The following WDR27 variants were observed in gnomAD, a reference collection of about 807,000 sequenced individuals.
The protein encoded by WDR27 is WD repeat domain 27.
WDR27 carries 100 observed loss-of-function variants against 114.4 expected under a neutral mutation model. The observed-to-expected ratio is 0.87, with a 90% CI of 0.74 to 1.03. The LOEUF is 1.03. Among genes scored for constraint, WDR27 ranks in the 50% least tolerant of loss-of-function variants. The probability of loss-of-function intolerance (pLI) is 0.00; values close to 1 mark genes in which losing one functional copy is unlikely to be tolerated. For missense variants in WDR27, 1,129 were observed against 1,092.9 expected, an observed-to-expected ratio of 1.03 and a Z score of -0.47; for synonymous variants, 449 against 423.1, an observed-to-expected ratio of 1.06 and a Z score of -0.75.
At chr6:169,640,920 G>C (rs781211462) in intron 17 of WDR27, among the ~76,000 whole-genome samples, 3 of 152,160 alleles carry the variant, frequency 2.0e-5, no homozygotes, top group African/African-American at 7.2e-5. Context: ...TGTTTTCTAC[G>C]TGAGGCCACA....
At chr6:169,458,012 T>C (rs1405141896) in intron 25 of WDR27, among the ~76,000 whole-genome samples, 1 of 64,344 alleles carries the variant, frequency 1.6e-5, no homozygotes, top group Non-Finnish European at 3.7e-5. Flanking sequence ...GAGGAGGTGG[T>C]GGTGGTGCCA....
chr6:169,538,784 C>G (rs1796498698), intron 25 of WDR27, among the ~76,000 whole-genome samples: 2 of 149,300 alleles, frequency 1.3e-5, no homozygotes, highest in Non-Finnish European at 3.0e-5. Context: ...AAACACTAAC[C>G]ATATGCAGTA....
rs541883427 is a variant in WDR27, at chr6:169,674,040, A to G, written c.190-1644T>C. Reference sequence around the variant, plus strand: ...ACTTAACACCTGACTGGCTTAGGGTAATCTAGGACTGCCAGTGCCCTGAGC... The same window carrying G: ...ACTTAACACCTGACTGGCTTAGGGTGATCTAGGACTGCCAGTGCCCTGAGC... On this transcript the variant is annotated intron_variant, in intron 2 of 25. Transcript: ENST00000448612. 2.6e-5 allele frequency among the ~76,000 whole-genome samples: 4 copies of G among 152,346 alleles called. No homozygotes were observed. In the East Asian group the frequency reaches 7.7e-4, roughly 29 times the overall value.
the WDR27 span, among the ~76,000 whole-genome samples, chr6:169,435,109 GC>G: frequency 6.6e-6 from 1 of 152,238 alleles, no homozygotes; most frequent in Non-Finnish European, 1.5e-5. Context: ...GAGGGTGCAA[GC>G]CCCAAGCCTT....
At chr6:169,589,960 C>CAACAAGTCCTGAGAGAAGAAGCAAGAAA (rs11275789) in intron 23 of WDR27, among the ~76,000 whole-genome samples, 142,645 of 152,046 alleles carry the variant, frequency 0.94, 66,995 homozygotes, top group East Asian at 0.99. Flanking sequence ...AGAACCAAAT[C>CAACAAGTCCTGAGAGAAGAAGCAAGAAA]AAGGGAAGCA....
rs146457794 is a variant in WDR27 at position 169,675,008 on chromosome 6, C to T, written c.190-2612G>A. 8.6e-3 allele frequency among the ~76,000 whole-genome samples: 1,316 copies of T among 152,228 alleles called. 18 individuals carry two copies. The highest frequency in any genetic ancestry group is 0.03 in the African/African-American group (1,264 of 41,524). ...CACAAGACAATGTCATCAGTTAAGGCGGGAACAGGCCATTTTCACTTCTTT... is the reference window on the plus strand; with the variant it reads ...CACAAGACAATGTCATCAGTTAAGGTGGGAACAGGCCATTTTCACTTCTTT... On this transcript the variant is annotated intron_variant, in intron 2 of 25. Coordinates refer to ENST00000448612, the MANE Select transcript of WDR27 (RefSeq NM_182552.5).
chr6:169,574,474 C>T (rs1190906456), intron 24 of WDR27, among the ~76,000 whole-genome samples: 1 of 152,082 alleles, frequency 6.6e-6, no homozygotes, highest in Admixed American at 6.5e-5. Flanking sequence ...AATCTGTCTC[C>T]CGCTTTTCAA....
At chr6:169,575,494 C>T (rs944597182) in intron 24 of WDR27, among the ~76,000 whole-genome samples, 6 of 152,120 alleles carry the variant, frequency 3.9e-5, no homozygotes, top group African/African-American at 1.4e-4. Context: ...TATCCTCCTA[C>T]TGGGAGGTTG....
At chr6:169,452,984 C>A (rs1484060564), downstream of WDR27, among the ~76,000 whole-genome samples, 1 of 152,210 alleles carries the variant, frequency 6.6e-6, no homozygotes, top group South Asian at 2.1e-4. Context: ...GCCTCCCTCC[C>A]CAGCCTCCCT....
intron 13 of WDR27, among the ~76,000 whole-genome samples, chr6:169,653,211 G>A (rs1237476368): frequency 6.6e-6 from 1 of 152,184 alleles, no homozygotes; most frequent in East Asian, 1.9e-4. Flanking sequence ...GAACAGTCTA[G>A]TATGATTCCA....
chr6:169,521,286 CT>C (rs1407818403), intron 25 of WDR27, among the ~76,000 whole-genome samples: 1 of 151,890 alleles, frequency 6.6e-6, no homozygotes, highest in Non-Finnish European at 1.5e-5. Flanking sequence ...AGAATATTGT[CT>C]CCATAAAGCT....
intron 24 of WDR27, among the ~76,000 whole-genome samples, chr6:169,577,178 C>T (rs979553961): frequency 1.3e-5 from 2 of 152,042 alleles, no homozygotes; most frequent in African/African-American, 4.8e-5. Context: ...CGCACCAACT[C>T]GCCGGCTCAG....
chr6:169,654,036 T>A (rs944532129), intron 13 of WDR27, among the ~76,000 whole-genome samples: 2 of 152,156 alleles, frequency 1.3e-5, no homozygotes, highest in African/African-American at 2.4e-5. Context: ...GAGAACACAG[T>A]GCACTTCATT....
At chr6:169,431,831 A>G in the WDR27 span, among the ~76,000 whole-genome samples, 1 of 152,244 alleles carries the variant, frequency 6.6e-6, no homozygotes, top group Non-Finnish European at 1.5e-5. Flanking sequence ...AATTAAAGTA[A>G]AAGATTGTGG....
intron 25 of WDR27, among the ~76,000 whole-genome samples, chr6:169,514,916 TA>T (rs1434124967): frequency 6.6e-6 from 1 of 151,834 alleles, no homozygotes; most frequent in African/African-American, 2.4e-5. Context: ...ATTTTAAAAA[TA>T]AATCTACAGC....
At chr6:169,518,819 T>A (rs892981584) in intron 25 of WDR27, among the ~76,000 whole-genome samples, 1 of 152,260 alleles carries the variant, frequency 6.6e-6, no homozygotes, top group African/African-American at 2.4e-5. Context: ...CAAACTTATA[T>A]GCTCTGTTTC....
At chr6:169,582,119 GC>G (rs1803558409) in intron 24 of WDR27, among the ~76,000 whole-genome samples, 1 of 152,054 alleles carries the variant, frequency 6.6e-6, no homozygotes, top group Admixed American at 6.5e-5. Context: ...GATTATACGC[GC>G]CCACCACCAT....
intron 1 of WDR27, among the ~76,000 whole-genome samples, chr6:169,689,743 T>C (rs765101112): frequency 2.0e-5 from 3 of 152,252 alleles, no homozygotes; most frequent in African/African-American, 7.2e-5. Flanking sequence ...CACACCCCAC[T>C]GCAGGCCGGC....
intron 1 of WDR27, among the ~76,000 whole-genome samples, chr6:169,693,230 T>C (rs1489253680): frequency 1.3e-5 from 2 of 152,098 alleles, no homozygotes; most frequent in Non-Finnish European, 2.9e-5. Flanking sequence ...GAATTTTGTA[T>C]CCAGCAAAAT....
Sources: gnomAD v4.1 joint callset for allele counts (sites outside exome capture counted in the v4.1 genomes callset) on GRCh38, gnomAD v4.1.1 for gene constraint, MANE v1.5 for transcripts, NCBI Gene and HGNC (gene_info 2026-07-23, HGNC 2026-07-21) for gene names.